MAJIN: variants seen among roughly 807,000 people sequenced by gnomAD.
MAJIN encodes the protein membrane anchored junction protein, also known as membrane-anchored junction protein.
A neutral mutation model predicts 30.2 loss-of-function variants in MAJIN; 27 were observed. The ratio of observed to expected loss-of-function variants is 0.89; its 90% CI spans 0.66 to 1.23. MAJIN has a LOEUF of 1.23. Among genes scored for constraint, MAJIN ranks in the 50% most tolerant of loss-of-function variants. The pLI is 0.00. For missense variants in MAJIN, 253 were observed against 260.3 expected (o/e 0.97, Z 0.19); for synonymous variants, 78 against 91.6 (o/e 0.85, Z 0.85).
At chr11:64,938,845 G>C (rs1159565253) in intron 10 of MAJIN, among the ~76,000 whole-genome samples, 1 of 152,214 alleles carries the variant, frequency 6.6e-6, no homozygotes, top group Non-Finnish European at 1.5e-5. Flanking sequence ...CCTAGATTCA[G>C]AGGGGAGAAT....
chr11:64,939,408 T>C (rs1190301286), intron 10 of MAJIN, among the ~76,000 whole-genome samples: 5 of 152,316 alleles, frequency 3.3e-5, no homozygotes, highest in East Asian at 3.9e-4. Flanking sequence ...CCCAAGTTAA[T>C]GTTTATGGGG....
chr11:64,943,051 A>G (rs995716187), intron 8 of MAJIN, among the ~76,000 whole-genome samples: 1 of 152,168 alleles, frequency 6.6e-6, no homozygotes, highest in Non-Finnish European at 1.5e-5. Context: ...AAGTCATAAG[A>G]GAGAGAAAAC....
Position 64,954,771 on chromosome 11 carries a change from T to C in MAJIN, c.133A>G (p.Thr45Ala). Reference protein sequence around the residue: ...GEEIENKEVITQELEDSVRVV... With the variant: ...GEEIENKEVIAQELEDSVRVV... ...TCTTTCCCTACCTCCAGCTCCTGGGTGATGACTTCCTTATTTTCTATCTCT... is the reference window on the plus strand; with the variant it reads ...TCTTTCCCTACCTCCAGCTCCTGGGCGATGACTTCCTTATTTTCTATCTCT... Residue 45 changes from threonine (T) to alanine (A), a missense_variant, in exon 4 of 11, where the codon ACC becomes GCC. Physicochemically the swap from Thr to Ala is moderately conservative, Grantham distance 58. Transcript: ENST00000301896. 6.2e-7 allele frequency: 1 copy of C among 1,613,358 alleles called. No individual in the cohort carries two copies.
intron 1 of MAJIN, among the ~76,000 whole-genome samples, chr11:64,960,711 G>A (rs1945708091): frequency 6.6e-6 from 1 of 152,160 alleles, no homozygotes; most frequent in Non-Finnish European, 1.5e-5. Flanking sequence ...TTATTCTGAT[G>A]CCATTTCTAC....
At chr11:64,951,688 C>T (rs1945553254) in intron 4 of MAJIN, among the ~76,000 whole-genome samples, 1 of 150,988 alleles carries the variant, frequency 6.6e-6, no homozygotes, top group African/African-American at 2.4e-5. Flanking sequence ...TCACCTGAAC[C>T]TGGGAGGTCG....
chr11:64,961,467 A>ATTTTT (rs36053356), intron 1 of MAJIN, among the ~76,000 whole-genome samples: 5 of 59,150 alleles, frequency 8.5e-5, no homozygotes, highest in East Asian at 5.1e-4. Context: ...GTGCCCGGCA[A>ATTTTT]TTTTTTTTTT....
chr11:64,967,793 T>C (rs991914323), intron 1 of MAJIN, among the ~76,000 whole-genome samples: 3 of 152,130 alleles, frequency 2.0e-5, no homozygotes, highest in Non-Finnish European at 4.4e-5. Context: ...AAGAGAGACA[T>C]GATCCCTCGT....
At chr11:64,964,301 G>A (rs1945773238) in intron 1 of MAJIN, among the ~76,000 whole-genome samples, 1 of 152,154 alleles carries the variant, frequency 6.6e-6, no homozygotes, top group Non-Finnish European at 1.5e-5. Flanking sequence ...CTTTGCTGAA[G>A]TAGATTCAGC....
intron 1 of MAJIN, among the ~76,000 whole-genome samples, chr11:64,961,713 T>G (rs1945728946): frequency 6.6e-6 from 1 of 151,162 alleles, no homozygotes; most frequent in Non-Finnish European, 1.5e-5. Flanking sequence ...CCTGGCCTTG[T>G]GATCCGCCCG....
intron 8 of MAJIN, among the ~76,000 whole-genome samples, chr11:64,944,549 C>T (rs1329879704): frequency 6.6e-6 from 1 of 152,202 alleles, no homozygotes; most frequent in Non-Finnish European, 1.5e-5. Context: ...GTCCTAGCTA[C>T]TCCAGAGGCT....
rs375342082 is a variant in MAJIN, at chr11:64,950,420, C to T, written c.158G>A (p.Arg53His). Residue 53 changes from arginine to histidine, a missense_variant, in exon 5 of 11, where the codon CGC becomes CAC. Transcript: ENST00000301896. ...ATTGTCCAAGTTTCCCAAGACCACG[C>T]GGACAGAATCCTGAAAAACATATTT... ...VITQELEDSVRVVLGNLDNLQ... is the reference protein window; with the variant it reads ...VITQELEDSVHVVLGNLDNLQ... The T allele has an allele frequency of 6.1e-5, 99 of 1,613,000 alleles. No individual in the cohort carries two copies. The highest frequency in any genetic ancestry group is 1.7e-4 in the African/African-American group (13 of 74,746).
chr11:64,954,914 A>T, intron 3 of MAJIN, 112 bp from the exon 4 acceptor site: 1 of 965,364 alleles, frequency 1.0e-6, no homozygotes, highest in Non-Finnish European at 1.5e-6. Context: ...ACATGACATA[A>T]GTAAAACTGT....
chr11:64,959,152 A>G (rs578123055), intron 3 of MAJIN, among the ~76,000 whole-genome samples, 153 bp downstream of exon 3: 7 of 152,050 alleles, frequency 4.6e-5, no homozygotes, highest in Non-Finnish European at 1.0e-4. Flanking sequence ...AATAATATAT[A>G]TACTGAATAT....
intron 3 of MAJIN, among the ~76,000 whole-genome samples, chr11:64,957,001 A>G (rs1392573916): frequency 6.6e-6 from 1 of 152,032 alleles, no homozygotes; most frequent in East Asian, 1.9e-4. Context: ...TCCTGACCTC[A>G]GAAGATCCGC....
At chr11:64,962,814 C>T (rs917323531) in intron 1 of MAJIN, among the ~76,000 whole-genome samples, 3 of 152,234 alleles carry the variant, frequency 2.0e-5, no homozygotes, top group Middle Eastern at 3.4e-3. Flanking sequence ...AAGAGTTTCT[C>T]CCTAATGCTT....
chr11:64,970,565 C>T (rs955062184), intron 1 of MAJIN, among the ~76,000 whole-genome samples: 12 of 151,184 alleles, frequency 7.9e-5, no homozygotes, highest in Non-Finnish European at 7.4e-5. Flanking sequence ...CCAGGTTTCA[C>T]CATGTTGGCC....
chr11:64,957,946 G>A (rs995639676), intron 3 of MAJIN, among the ~76,000 whole-genome samples: 10 of 149,786 alleles, frequency 6.7e-5, no homozygotes, highest in African/African-American at 2.5e-4. Flanking sequence ...TTTTTGCTGT[G>A]ATTTTTTTTT....
At chr11:64,954,168 C>T (rs1485972928) in intron 4 of MAJIN, 1 of 164,828 alleles carries the variant, frequency 6.1e-6, no homozygotes, top group African/African-American at 2.4e-5. Context: ...TATGCCAGGA[C>T]TGGAATCCAG....
At chr11:64,953,622 C>A (rs1364260337) in intron 4 of MAJIN, among the ~76,000 whole-genome samples, 1 of 152,148 alleles carries the variant, frequency 6.6e-6, no homozygotes, top group Non-Finnish European at 1.5e-5. Flanking sequence ...GAAACCCCGT[C>A]TCTACTAAAA....
Sources: gnomAD v4.1 joint callset for allele counts (sites outside exome capture counted in the v4.1 genomes callset) on GRCh38, gnomAD v4.1.1 for gene constraint, MANE v1.5 for transcripts, NCBI Gene and HGNC (gene_info 2026-07-23, HGNC 2026-07-21) for gene names.